SULF2: variants seen among roughly 807,000 people sequenced by gnomAD.
SULF2 encodes the protein sulfatase 2.
SULF2 carries 52 observed loss-of-function variants against 107.7 expected under a neutral mutation model. The observed-to-expected ratio is 0.48, with a 90% CI of 0.39 to 0.61. The LOEUF is 0.61. SULF2 is among the 20% of genes least tolerant of loss of function. The pLI, the probability that SULF2 is intolerant of heterozygous loss-of-function variation, is 0.00. For missense variants in SULF2, 993 were observed against 1,177.3 expected (o/e 0.84, Z 2.29); for synonymous variants, 460 against 464.3 (o/e 0.99, Z 0.12).
rs112700262 is a variant in SULF2 at position 47,673,905 on chromosome 20, G to A, written c.1381-1512C>T. ...GAAGCCCTGAGCTGTGTGCGCTGGCGAGCAGCCTCCTGTCCACTTAGCTCT... is the reference window on the plus strand; with the variant it reads ...GAAGCCCTGAGCTGTGTGCGCTGGCAAGCAGCCTCCTGTCCACTTAGCTCT... On this transcript the variant is annotated intron_variant, in intron 10 of 20. Coordinates refer to ENST00000688720, the MANE Select transcript of SULF2 (RefSeq NM_001387048.1). Among the ~76,000 whole-genome samples, 1,104 of 152,298 alleles carry A rather than the reference G, an allele frequency of 7.2e-3. 13 individuals carry two copies. The highest frequency in any genetic ancestry group is 0.025 in the African/African-American group (1,046 of 41,544).
chr20:47,769,078 C>T (rs1018974449), intron 1 of SULF2, among the ~76,000 whole-genome samples: 6 of 151,416 alleles, frequency 4.0e-5, no homozygotes, highest in Admixed American at 6.6e-5. Context: ...TTCACTCTGT[C>T]GCCCAGGCTG....
chr20:47,676,279 G>C (rs1029655891), intron 10 of SULF2, among the ~76,000 whole-genome samples: 1 of 152,238 alleles, frequency 6.6e-6, no homozygotes. Context: ...CTTGGCCTCT[G>C]ACACGGTCAG....
rs2090323843 is a variant in SULF2, at chr20:47,757,552, G to C, written c.-100-89C>G. 4 of 655,480 alleles carry C rather than the reference G, an allele frequency of 6.1e-6. No individual in the cohort carries two copies. The East Asian group carries it at 1.1e-4, about 18-fold the overall frequency. The allele number at this position is 655,480 out of a possible 1,614,324, so 40.6% of individuals were successfully genotyped here. The stretch of plus-strand genomic sequence containing the variant: ...TAATGATTTGTATGGCGGCTGGCAT[G>C]AACAATGGGAGTTTCTTTGAACAGG... On this transcript the variant is annotated intron_variant, in intron 1 of 20. Transcript: ENST00000688720.
chr20:47,772,935 A>G (rs1044014334), intron 1 of SULF2, among the ~76,000 whole-genome samples: 7 of 152,298 alleles, frequency 4.6e-5, no homozygotes, highest in South Asian at 2.1e-4. Context: ...AGCAGGGACA[A>G]ATATGCAAAT....
chr20:47,766,024 A>C (rs1416137181), intron 1 of SULF2, among the ~76,000 whole-genome samples: 1 of 152,186 alleles, frequency 6.6e-6, no homozygotes, highest in Non-Finnish European at 1.5e-5. Flanking sequence ...AGTGAAGAGG[A>C]GGGTGGAGGA....
chr20:47,726,829 CCTGT>C (rs1470768413), intron 3 of SULF2, among the ~76,000 whole-genome samples: 6 of 152,144 alleles, frequency 3.9e-5, no homozygotes, highest in African/African-American at 1.4e-4. Flanking sequence ...ACAGGGTGTG[CCTGT>C]CTGTCACCAC....
At chr20:47,748,080 C>T (rs1301109660) in intron 2 of SULF2, among the ~76,000 whole-genome samples, 1 of 152,202 alleles carries the variant, frequency 6.6e-6, no homozygotes, top group Non-Finnish European at 1.5e-5. Context: ...CTGACCAGCT[C>T]AGAACATTCT....
chr20:47,707,163 A>AT (rs1324510979), intron 3 of SULF2, among the ~76,000 whole-genome samples: 2 of 151,782 alleles, frequency 1.3e-5, no homozygotes, highest in South Asian at 2.1e-4. Flanking sequence ...TAATTTTTGT[A>AT]TTTTTAGTAG....
rs58936261 is a variant in SULF2, at chr20:47,677,400, C to CTGTGTGTGTG, written c.1194-276_1194-267dup. On this transcript the variant is annotated intron_variant, in intron 8 of 20. Coordinates refer to ENST00000688720, the MANE Select transcript of SULF2 (RefSeq NM_001387048.1). ...ATCACTGTAAGTCCCACCCAAGTAA[C>CTGTGTGTGTG]TGTGTGTGTGTGTGTGTGTGTGTGT... 3.5e-4 allele frequency among the ~76,000 whole-genome samples: 50 copies of CTGTGTGTGTG among 143,914 alleles called. 1 individual carries two copies. Among genetic ancestry groups the CTGTGTGTGTG allele is most frequent in the Non-Finnish European group, 5.6e-4 (37 of 65,544 alleles). 94.4% of individuals were successfully genotyped at this position (143,914 alleles called of 152,430 possible).
intron 4 of SULF2, among the ~76,000 whole-genome samples, chr20:47,692,262 G>A (rs2088221675): frequency 6.6e-6 from 1 of 152,038 alleles, no homozygotes. Context: ...ATACCATGAT[G>A]TATTCATATA....
At chr20:47,743,457 A>G (rs1241096250) in intron 2 of SULF2, among the ~76,000 whole-genome samples, 1 of 152,068 alleles carries the variant, frequency 6.6e-6, no homozygotes, top group Non-Finnish European at 1.5e-5. Flanking sequence ...TTACAGGTGT[A>G]CACTACCACA....
chr20:47,673,527 C>T (rs1387432202), intron 10 of SULF2, among the ~76,000 whole-genome samples: 13 of 152,126 alleles, frequency 8.5e-5, no homozygotes, highest in Admixed American at 7.9e-4. Flanking sequence ...TGCCCCCGCC[C>T]GCTGCCGTTG....
intron 3 of SULF2, among the ~76,000 whole-genome samples, chr20:47,715,645 G>A (rs1481481333): frequency 4.0e-5 from 6 of 150,284 alleles, no homozygotes; most frequent in Admixed American, 1.3e-4. Flanking sequence ...GCAATGGCAC[G>A]ATCTCGGCTC....
intron 3 of SULF2, among the ~76,000 whole-genome samples, chr20:47,725,571 C>T (rs936522989): frequency 6.6e-6 from 1 of 152,194 alleles, no homozygotes; most frequent in Non-Finnish European, 1.5e-5. Context: ...CCTTGAGAAC[C>T]ACCAGCTTAG....
intron 1 of SULF2, among the ~76,000 whole-genome samples, chr20:47,765,848 A>G (rs1350088809): frequency 6.6e-6 from 1 of 152,236 alleles, no homozygotes; most frequent in Admixed American, 6.5e-5. Flanking sequence ...GAAAGCAACA[A>G]GTGATACAAG....
At chr20:47,705,883 T>C (rs1280543089) in intron 3 of SULF2, among the ~76,000 whole-genome samples, 1 of 151,622 alleles carries the variant, frequency 6.6e-6, no homozygotes, top group African/African-American at 2.4e-5. Context: ...ACAGCAACCT[T>C]TGCCTCCTGG....
chr20:47,733,658 A>C (rs1398475764), intron 3 of SULF2, among the ~76,000 whole-genome samples: 1 of 152,198 alleles, frequency 6.6e-6, no homozygotes, highest in Non-Finnish European at 1.5e-5. Flanking sequence ...CTGTAATCTC[A>C]GCTATTCAGG....
intron 1 of SULF2, among the ~76,000 whole-genome samples, chr20:47,781,356 T>C (rs1048414459): frequency 1.3e-5 from 2 of 152,226 alleles, no homozygotes; most frequent in Non-Finnish European, 2.9e-5. Flanking sequence ...GGACTCCCCG[T>C]GCTGTTTTAT....
intron 3 of SULF2, among the ~76,000 whole-genome samples, chr20:47,725,370 G>A (rs2089411661): frequency 6.6e-6 from 1 of 152,206 alleles, no homozygotes; most frequent in Admixed American, 6.5e-5. Context: ...CTACCCATAT[G>A]AGTGATGTGG....
Sources: gnomAD v4.1 joint callset for allele counts (sites outside exome capture counted in the v4.1 genomes callset) on GRCh38, gnomAD v4.1.1 for gene constraint, MANE v1.5 for transcripts, NCBI Gene and HGNC (gene_info 2026-07-23, HGNC 2026-07-21) for gene names.